Variants in FEM1C observed in about 807,000 individuals in gnomAD.
FEM1C encodes fem-1 homolog C.
A neutral mutation model predicts 37.6 loss-of-function variants in FEM1C; 15 were observed. That is an observed-to-expected ratio of 0.40 (90% confidence interval 0.27 to 0.61). The LOEUF (loss-of-function observed/expected upper bound fraction) is 0.61, where lower values mean the gene tolerates loss of function less well. Ranked by LOEUF, FEM1C falls within the 20% of genes least tolerant of loss-of-function variation. The pLI is 0.42. For missense variants in FEM1C, 532 were observed against 749.7 expected, an observed-to-expected ratio of 0.71 and a Z score of 3.39; for synonymous variants, 287 against 272.8, an observed-to-expected ratio of 1.05 and a Z score of -0.51.
intron 2 of FEM1C, among the ~76,000 whole-genome samples, chr5:115,538,370 C>A (rs1244854393): frequency 1.3e-5 from 2 of 151,996 alleles, no homozygotes; most frequent in Non-Finnish European, 2.9e-5. Context: ...TACTTCAAGT[C>A]TTCATGCATG....
At chr5:115,537,404 A>G (rs1754151328) in intron 2 of FEM1C, among the ~76,000 whole-genome samples, 1 of 152,090 alleles carries the variant, frequency 6.6e-6, no homozygotes, top group South Asian at 2.1e-4. Flanking sequence ...AGTAGTGCTC[A>G]GGATCTACTC....
At chr5:115,544,096 T>C (rs1230967185) in intron 1 of FEM1C, 16 of 985,332 alleles carry the variant, frequency 1.6e-5, no homozygotes, top group African/African-American at 1.7e-5. Context: ...CTGGAAGGCC[T>C]GAGGCCGGGT....
intron 2 of FEM1C, among the ~76,000 whole-genome samples, chr5:115,528,641 T>C (rs1753955446): frequency 6.6e-6 from 1 of 152,108 alleles, no homozygotes; most frequent in Non-Finnish European, 1.5e-5. Context: ...TAGAGGAAGA[T>C]ATTATCATAT....
chr5:115,522,197 C>T lies in FEM1C; in HGVS notation c.*2111G>A, dbSNP rs138832944. On this transcript the variant is annotated 3_prime_UTR_variant, in exon 3 of 3. Transcript: ENST00000274457. ...TTGTCATCTGTTATCCTCAAATTAT[C>T]GAGATCAACTAATGTAATTTACTAT... 693 of 146,636 alleles carry T rather than the reference C, an allele frequency of 4.7e-3. 4 individuals carry two copies. Among genetic ancestry groups the T allele is most frequent in the African/African-American group, 0.016 (661 of 40,300 alleles). The allele number at this position is 146,636 out of a possible 1,614,324, so 9.1% of individuals were successfully genotyped here. A position where few individuals can be genotyped will look rare whatever the true frequency, so the allele number is the denominator to read the frequency against.
At chr5:115,535,839 A>C (rs1754113449) in intron 2 of FEM1C, among the ~76,000 whole-genome samples, 1 of 152,092 alleles carries the variant, frequency 6.6e-6, no homozygotes, top group African/African-American at 2.4e-5. Flanking sequence ...TCAACTGCTG[A>C]ATGAATAAAA....
intron 2 of FEM1C, 26 bp from the exon 3 acceptor site, chr5:115,525,643 A>G (rs368462835): frequency 1.1e-4 from 173 of 1,571,350 alleles, no homozygotes; most frequent in Non-Finnish European, 1.4e-4. Context: ...AAAAAAAGAA[A>G]TAACATACAT....
In FEM1C at chr5:115,524,784, C is replaced by A; in HGVS notation, c.1378G>T (p.Glu460Ter). 6.3e-7 allele frequency: 1 copy of A among 1,582,430 alleles called. No homozygotes were observed. The highest frequency in any genetic ancestry group is 8.6e-7 in the Non-Finnish European group (1 of 1,166,216). ...CLLEKVPCTL[E>*]QDHFKKQTIY... ...GTCTGCTTTTTGAAATGGTCTTGTT[C>A]TAGAGTACAAGGAACTTTCTCTAAC... The change falls in exon 3 of 3, where the codon GAA (glutamate) becomes TAA (stop). Residue 460 changes from glutamate (E) to a stop codon, truncating the protein, a stop_gained. Transcript: ENST00000274457. LOFTEE classifies it high-confidence loss of function.
At chr5:115,533,684 C>T (rs1371888808) in intron 2 of FEM1C, among the ~76,000 whole-genome samples, 1 of 151,884 alleles carries the variant, frequency 6.6e-6, no homozygotes, top group Non-Finnish European at 1.5e-5. Context: ...GATTTTCCAT[C>T]TCCACATCAT....
At chr5:115,537,219 T>C (rs902029064) in intron 2 of FEM1C, among the ~76,000 whole-genome samples, 3 of 152,040 alleles carry the variant, frequency 2.0e-5, no homozygotes, top group Non-Finnish European at 2.9e-5. Context: ...CATAAATCTA[T>C]GTAATGCCCT....
At chr5:115,528,242 C>T (rs1753945427) in intron 2 of FEM1C, among the ~76,000 whole-genome samples, 1 of 152,060 alleles carries the variant, frequency 6.6e-6, no homozygotes. Flanking sequence ...TAAAAATCTG[C>T]TTGACAGGAT....
Position 115,543,576 on chromosome 5 carries a change from C to A in FEM1C, c.-83G>T. On this transcript the variant is annotated 5_prime_UTR_variant, in exon 2 of 3. Transcript: ENST00000274457. ...ACTCTATCGACACAGGCAAGAGTCACAGGAACCAAAGTCCAATGTTAATTG... is the reference window on the plus strand; with the variant it reads ...ACTCTATCGACACAGGCAAGAGTCAAAGGAACCAAAGTCCAATGTTAATTG... The A allele has an allele frequency of 6.6e-7, 1 of 1,507,592 alleles. No homozygotes were observed. Among genetic ancestry groups the A allele is most frequent in the Non-Finnish European group, 8.8e-7 (1 of 1,139,692 alleles). 93.4% of individuals were successfully genotyped at this position (1,507,592 alleles called of 1,614,324 possible).
chr5:115,538,620 A>C (rs963350702), intron 2 of FEM1C, among the ~76,000 whole-genome samples: 6 of 151,550 alleles, frequency 4.0e-5, no homozygotes, highest in Non-Finnish European at 7.4e-5. Flanking sequence ...GAAAACAAAC[A>C]AGCAAACAAA....
chr5:115,537,290 T>TA (rs1257927469), intron 2 of FEM1C, among the ~76,000 whole-genome samples: 1 of 151,996 alleles, frequency 6.6e-6, no homozygotes, highest in African/African-American at 2.4e-5. Context: ...GAAAATCTGA[T>TA]AAAAAATGAA....
At position 115,524,559 on chromosome 5, in the gene FEM1C, C is replaced by T; in HGVS notation, c.1603G>A (p.Ala535Thr). 6.2e-7 allele frequency: 1 copy of T among 1,613,338 alleles called. No homozygotes were observed. The highest frequency in any genetic ancestry group is 8.5e-7 in the Non-Finnish European group (1 of 1,179,606). ...DSDDNSPLHIAALNNHPDIMN... is the reference protein window; with the variant it reads ...DSDDNSPLHITALNNHPDIMN... ...ATGTCTGGATGGTTGTTAAGAGCAG[C>T]GATATGCAGGGGACTGTTGTCATCC... Residue 535 changes from alanine to threonine, a missense_variant, in exon 3 of 3, where the codon GCT (alanine) becomes ACT (threonine). Ala to Thr is a moderately conservative substitution (Grantham distance 58). This residue lies in a region of FEM1C where 237 missense variants were observed against 260.5 expected (regional missense o/e 0.91). Coordinates refer to ENST00000274457, the MANE Select transcript of FEM1C (RefSeq NM_020177.3).
rs150339884 is a variant in FEM1C at position 115,524,673 on chromosome 5, C to A, written c.1489G>T (p.Val497Leu). Residue 497 changes from valine (V) to leucine (L), a missense_variant, in exon 3 of 3, where the codon GTA (valine) becomes TTA (leucine). By Grantham distance (32) the Val-to-Leu change is conservative. This residue lies in a region of FEM1C where 237 missense variants were observed against 260.5 expected (regional missense o/e 0.91). Transcript: ENST00000274457. ...HLAVDKNTTC[V>L]GRYPVCKFPS... The stretch of plus-strand genomic sequence containing the variant: ...AATTTACAAACAGGGTACCGCCCTA[C>A]ACATGTAGTATTCTTGTCCACAGCC... 5.8e-6 allele frequency: 9 copies of A among 1,554,962 alleles called. No homozygotes were observed. In the African/African-American group the frequency reaches 1.2e-4, roughly 21 times the overall value.
At chr5:115,542,883 T>C (rs1191139266) in intron 2 of FEM1C, 67 bp downstream of exon 2, 3 of 1,548,018 alleles carry the variant, frequency 1.9e-6, no homozygotes, top group East Asian at 2.2e-5. Context: ...CCAGTGCTTA[T>C]AATGATGTAT....
rs1337175600 is a variant in FEM1C at position 115,521,077 on chromosome 5, G to T, written c.*3231C>A. The T allele has an allele frequency of 2.0e-4, 28 of 138,936 alleles. No individual in the cohort carries two copies. The Admixed American group carries it at 2.0e-3, about 10-fold the overall frequency. The allele number at this position is 138,936 out of a possible 1,614,324, so 8.6% of individuals were successfully genotyped here. ...ACTAGTTGTTTAGTGACACATAAGG[G>T]CAAAAAAAAAAAAAAGAAAAAGAAA... is the stretch of plus-strand genomic sequence containing the variant. On this transcript the variant is annotated 3_prime_UTR_variant, in exon 3 of 3. Coordinates refer to ENST00000274457, the MANE Select transcript of FEM1C (RefSeq NM_020177.3).
intron 2 of FEM1C, among the ~76,000 whole-genome samples, chr5:115,542,732 A>G (rs1754266811): frequency 6.6e-6 from 1 of 152,214 alleles, no homozygotes; most frequent in Admixed American, 6.5e-5. Flanking sequence ...AATAAGAGAG[A>G]AAATACTGCT....
chr5:115,524,844 T>G lies in FEM1C; in HGVS notation c.1318A>C (p.Lys440Gln). 1 of 1,612,278 alleles carries G rather than the reference T, an allele frequency of 6.2e-7. No individual in the cohort carries two copies. Among genetic ancestry groups the G allele is most frequent in the Non-Finnish European group, 8.5e-7 (1 of 1,179,292 alleles). Residue 440 changes from lysine to glutamine, a missense_variant, in exon 3 of 3, where the codon AAG becomes CAG. Around this residue, in one of 3 missense-constraint regions of FEM1C, gnomAD observed 237 missense variants for 260.5 expected, o/e 0.91. Transcript: ENST00000274457. ...AAGTGCAAAATAATAGAAAGGGCCT[T>G]ATTTAACTGTAATGGGTCAGCTGGA... ...QCPADPLQLN[K>Q]ALSIILHLIC...
Sources: gnomAD v4.1 joint callset for allele counts (sites outside exome capture counted in the v4.1 genomes callset) on GRCh38, gnomAD v4.1.1 for gene constraint, gnomAD v4.1.1 regional missense constraint, MANE v1.5 for transcripts, NCBI Gene and HGNC (gene_info 2026-07-23, HGNC 2026-07-21) for gene names.